Variants in UGT1A8 observed in about 807,000 individuals in gnomAD.
UGT1A8 encodes UDP-glucuronosyltransferase 1A8.
UGT1A8 carries 39 observed loss-of-function variants against 45.3 expected under a neutral mutation model. The ratio of observed to expected loss-of-function variants is 0.86; its 90% confidence interval spans 0.67 to 1.12. The LOEUF is 1.12. UGT1A8 is among the 50% of genes most tolerant of loss of function. UGT1A8 has a pLI of 0.00. For synonymous variants in UGT1A8, 275 were observed against 249.2 expected, an observed-to-expected ratio of 1.10 and a Z score of -0.97; for missense variants, 719 against 664.9, an observed-to-expected ratio of 1.08 and a Z score of -0.90.
At chr2:233,689,940 A>T in intron 1 of UGT1A8, 1 of 456,446 alleles carries the variant, frequency 2.2e-6, no homozygotes, top group Middle Eastern at 3.3e-4. Context: ...AGAACCCAAG[A>T]TTTTCCTTTA....
At chr2:233,725,207 GGCAGA>G (rs1192113071) in intron 1 of UGT1A8, among the ~76,000 whole-genome samples, 1 of 92,368 alleles carries the variant, frequency 1.1e-5, no homozygotes, top group African/African-American at 8.4e-5. Context: ...CAGAGGCAGA[GGCAGA>G]GGCAGAGGAG....
At chr2:233,744,014 C>G (rs1692649024) in intron 1 of UGT1A8, 1 of 1,062,236 alleles carries the variant, frequency 9.4e-7, no homozygotes, top group Non-Finnish European at 1.2e-6. Context: ...CCTGGGCCGC[C>G]TGGAGAGACG....
chr2:233,713,519 T>C, intron 1 of UGT1A8: 1 of 1,613,934 alleles, frequency 6.2e-7, no homozygotes. Context: ...TGAGGAACAT[T>C]CCATGTGATT....
chr2:233,730,165 G>T (rs142374428), intron 1 of UGT1A8, among the ~76,000 whole-genome samples: 1 of 152,156 alleles, frequency 6.6e-6, no homozygotes. Context: ...CTCTAGTAGC[G>T]TATTTCAGGT....
At chr2:233,756,441 T>C (rs1696218483) in intron 1 of UGT1A8, 1 of 152,178 alleles carries the variant, frequency 6.6e-6, no homozygotes, top group African/African-American at 2.4e-5. Flanking sequence ...TCATTGTTGT[T>C]CCCCCCAAAT....
At chr2:233,633,749 C>A (rs1258362495) in intron 1 of UGT1A8, among the ~76,000 whole-genome samples, 8 of 151,998 alleles carry the variant, frequency 5.3e-5, no homozygotes. Context: ...TTAATCTTTT[C>A]AAAAAACCAG....
intron 1 of UGT1A8, chr2:233,755,373 C>A (rs534555830): frequency 2.8e-6 from 1 of 357,666 alleles, no homozygotes; most frequent in South Asian, 2.2e-5. Context: ...GCCTGGAGGG[C>A]CGCCCCTTAT....
At chr2:233,705,343 T>A (rs2075842379) in intron 1 of UGT1A8, among the ~76,000 whole-genome samples, 1 of 152,224 alleles carries the variant, frequency 6.6e-6, no homozygotes, top group South Asian at 2.1e-4. Flanking sequence ...TCAATTTTTG[T>A]CTTATTACAT....
chr2:233,755,110 C>T, intron 1 of UGT1A8: 1 of 1,333,642 alleles, frequency 7.5e-7, no homozygotes, highest in Non-Finnish European at 1.0e-6. Flanking sequence ...GACAACACCT[C>T]GTAGGCCTCA....
chr2:233,687,064 A>G (rs571316372), intron 1 of UGT1A8, among the ~76,000 whole-genome samples: 13 of 152,344 alleles, frequency 8.5e-5, no homozygotes, highest in African/African-American at 2.9e-4. Context: ...GAGTCCTCCA[A>G]GCCTGATTTC....
chr2:233,773,128 A>G lies in UGT1A8; in HGVS notation c.*569A>G. On this transcript the variant is annotated 3_prime_UTR_variant, in exon 5 of 5. Transcript: ENST00000373450. ...TGATTTCTTGCTTTGGGGAAAAAGA[A>G]TGATGCTATGAAATTGGTGGGTGGT... The G allele has an allele frequency of 6.4e-6, 1 of 155,198 alleles. No homozygotes were observed. Among genetic ancestry groups the G allele is most frequent in the Non-Finnish European group, 1.4e-5 (1 of 69,704 alleles). 9.6% of individuals were successfully genotyped at this position (155,198 alleles called of 1,614,324 possible). A position where few individuals can be genotyped will look rare whatever the true frequency, so the allele number is the denominator to read the frequency against.
intron 1 of UGT1A8, among the ~76,000 whole-genome samples, chr2:233,692,500 C>A (rs1041698214): frequency 6.6e-6 from 1 of 152,058 alleles, no homozygotes; most frequent in African/African-American, 2.4e-5. Context: ...AGGACTGAGC[C>A]CTTAACCTGT....
Position 233,745,246 on chromosome 2 carries a change from G to A in UGT1A8, c.856-21788G>A, listed in dbSNP as rs148872010. Among the ~76,000 whole-genome samples, 467 of 151,884 alleles carry A rather than the reference G, an allele frequency of 3.1e-3. 15 individuals are homozygous for A. The highest frequency in any genetic ancestry group is 0.011 in the African/African-American group (453 of 41,220). ...GAAATACAGCACTATTTACTGTATCGAAACCATTAAGACTTGCAGGCCGTG... is the reference window on the plus strand; with the variant it reads ...GAAATACAGCACTATTTACTGTATCAAAACCATTAAGACTTGCAGGCCGTG... On this transcript the variant is annotated intron_variant, in intron 1 of 4. Coordinates refer to ENST00000373450, the MANE Select transcript of UGT1A8 (RefSeq NM_019076.5).
intron 1 of UGT1A8, chr2:233,755,039 G>A (rs1047792650): frequency 3.8e-6 from 5 of 1,321,018 alleles, no homozygotes; most frequent in Non-Finnish European, 5.1e-6. Flanking sequence ...TGCCGCCTGC[G>A]CAGCCGCCCT....
intron 1 of UGT1A8, among the ~76,000 whole-genome samples, chr2:233,727,335 C>T (rs1297453544): frequency 1.3e-5 from 2 of 152,170 alleles, no homozygotes; most frequent in Admixed American, 1.3e-4. Context: ...GAGCTCCTCC[C>T]TCCCCATAGT....
chr2:233,757,115 C>G lies in UGT1A8; in HGVS notation c.856-9919C>G, dbSNP rs11568319. ...CAGAGGGAGGGGGCAAGCAGAAGGG[C>G]TAGAGAGGAGGAATGAGCTTGGACA... On this transcript the variant is annotated intron_variant, in intron 1 of 4. Transcript: ENST00000373450. 7.2e-4 allele frequency among the ~76,000 whole-genome samples: 109 copies of G among 150,950 alleles called. 1 individual carries two copies. In the East Asian group the frequency reaches 0.02, roughly 28 times the overall value.
intron 1 of UGT1A8, among the ~76,000 whole-genome samples, chr2:233,667,240 G>T (rs1302671103): frequency 1.3e-5 from 2 of 152,136 alleles, no homozygotes; most frequent in Admixed American, 1.3e-4. Context: ...CTTCCACAAT[G>T]GTTGAACTAG....
At position 233,648,246 on chromosome 2, in the gene UGT1A8, G is replaced by T. The variant is rs182297279; in HGVS notation, c.855+29684G>T. 1.9e-4 allele frequency: 115 copies of T among 615,736 alleles called. No individual in the cohort carries two copies. In the African/African-American group the frequency reaches 1.9e-3, roughly 10 times the overall value. 38.1% of individuals were successfully genotyped at this position (615,736 alleles called of 1,614,324 possible). ...ACTGAAAATTAGTAGAATACTTAAA[G>T]GAGAGTTCTTTTGATGCGGTGTTTC... On this transcript the variant is annotated intron_variant, in intron 1 of 4. Transcript: ENST00000373450.
intron 1 of UGT1A8, chr2:233,637,131 C>G: frequency 6.2e-7 from 1 of 1,613,960 alleles, no homozygotes; most frequent in Non-Finnish European, 8.5e-7. Context: ...CCATGACTTT[C>G]AAGGAGAGAG....
Sources: allele counts gnomAD v4.1 joint callset (sites outside exome capture counted in the v4.1 genomes callset), GRCh38; gene constraint gnomAD v4.1.1; transcripts MANE v1.5; gene names NCBI Gene and HGNC (gene_info 2026-07-23, HGNC 2026-07-21).